The following ANGPT4 variants were observed in gnomAD, a reference collection of about 807,000 sequenced individuals.
ANGPT4 encodes the protein angiopoietin-4.
A neutral mutation model predicts 53.0 loss-of-function variants in ANGPT4; 50 were observed. The ratio of observed to expected loss-of-function variants is 0.94; its 90% CI spans 0.75 to 1.20. The LOEUF (loss-of-function observed/expected upper bound fraction) is 1.20. Among genes scored for constraint, ANGPT4 ranks in the 50% most tolerant of loss-of-function variants. ANGPT4 has a pLI of 0.00. For synonymous variants in ANGPT4, 251 were observed against 259.7 expected, an observed-to-expected ratio of 0.97 and a Z score of 0.32; for missense variants, 648 against 637.1, an observed-to-expected ratio of 1.02 and a Z score of -0.18.
At position 914,276 on chromosome 20, in the gene ANGPT4, A is replaced by G. The variant is rs749176796; in HGVS notation, c.309+1630T>C. Among the ~76,000 whole-genome samples the G allele has an allele frequency of 1.3e-5, 2 of 152,104 alleles. No homozygotes were observed. The highest frequency in any genetic ancestry group is 2.9e-5 in the Non-Finnish European group (2 of 68,010). ...ATAAGTTCTAAGAAAAAAAAACACA[A>G]CAAAGCCAGCAGAGGGACAAAGGGT... On this transcript the variant is annotated intron_variant, in intron 1 of 8. Coordinates refer to ENST00000381922, the MANE Select transcript of ANGPT4 (RefSeq NM_015985.4). This position sits in a 1 kb window ranked among gnomAD's most constrained non-coding sequence, Gnocchi z 5.0.
intron 1 of ANGPT4, among the ~76,000 whole-genome samples, chr20:902,567 C>G (rs539302011): frequency 4.6e-5 from 7 of 152,290 alleles, no homozygotes; most frequent in Non-Finnish European, 8.8e-5. Flanking sequence ...ACTTGACCCA[C>G]CACTCAGTCT....
In ANGPT4 at chr20:872,544, T is replaced by C. The variant is rs1050191302; in HGVS notation, c.*416A>G. On this transcript the variant is annotated 3_prime_UTR_variant, in exon 9 of 9. Coordinates refer to ENST00000381922, the MANE Select transcript of ANGPT4 (RefSeq NM_015985.4). ...TGGAACAGGAGCTTAGAATGGGAGATGGCCTTCTTGCCAATCCAAGGGAGA... is the reference window on the plus strand; with the variant it reads ...TGGAACAGGAGCTTAGAATGGGAGACGGCCTTCTTGCCAATCCAAGGGAGA... 3 of 162,094 alleles carry C rather than the reference T, an allele frequency of 1.9e-5. No homozygotes were observed. Among genetic ancestry groups the C allele is most frequent in the South Asian group, 1.8e-4 (1 of 5,536 alleles). 10.0% of individuals were successfully genotyped at this position (162,094 alleles called of 1,614,324 possible). A position where few individuals can be genotyped will look rare whatever the true frequency, so the allele number is the denominator to read the frequency against.
At chr20:875,170 C>T (rs908910738) in intron 7 of ANGPT4, among the ~76,000 whole-genome samples, 1 of 152,150 alleles carries the variant, frequency 6.6e-6, no homozygotes, top group Non-Finnish European at 1.5e-5. Flanking sequence ...GCCAAAGAAA[C>T]CTGCTCAAGT....
chr20:891,918 G>T (rs537617442), intron 1 of ANGPT4, among the ~76,000 whole-genome samples: 3 of 152,086 alleles, frequency 2.0e-5, no homozygotes, highest in Non-Finnish European at 4.4e-5. Context: ...AGGTCCCACC[G>T]CAGACCTCCT....
rs1981577224 is a variant in ANGPT4, at chr20:885,305, T to C, written c.608A>G (p.Gln203Arg). The C allele has an allele frequency of 1.3e-6, 2 of 1,583,752 alleles. No homozygotes were observed. The highest frequency in any genetic ancestry group is 8.6e-7 in the Non-Finnish European group (1 of 1,168,912). The change falls in exon 4 of 9, where the codon CAG becomes CGG. Residue 203 changes from glutamine to arginine, a missense_variant. Gln to Arg is a conservative substitution (Grantham distance 43). Transcript: ENST00000381922. ...GQNSALEKRL[Q>R]ALETKQQEEL... ...CTCCTGCTGCTTGGTCTCCAGGGCCTGCAACCGCTTCTCGAGCGCGCTGCG... is the reference window on the plus strand; with the variant it reads ...CTCCTGCTGCTTGGTCTCCAGGGCCCGCAACCGCTTCTCGAGCGCGCTGCG...
chr20:916,265 T>C lies in ANGPT4; in HGVS notation c.-51A>G. On this transcript the variant is annotated 5_prime_UTR_variant, in exon 1 of 9. Transcript: ENST00000381922. ...TGTCTGCTCAGAGCCCTAGGGGCTG[T>C]GCCTGGGATGTCCTGCTGCAGCCAA... 6.4e-7 allele frequency: 1 copy of C among 1,558,968 alleles called. No individual in the cohort carries two copies. The highest frequency in any genetic ancestry group is 2.3e-5 in the East Asian group (1 of 44,226).
rs117613810 is a variant in ANGPT4 at position 898,932 on chromosome 20, C to T, written c.310-8564G>A. On this transcript the variant is annotated intron_variant, in intron 1 of 8. Transcript: ENST00000381922. ...TGGAAATCCAACTGTCCCACTCGCC[C>T]ACCAACCACACCCAGAGCCCCTGGA... 6.7e-3 allele frequency among the ~76,000 whole-genome samples: 1,027 copies of T among 152,308 alleles called. 9 individuals carry two copies. Among genetic ancestry groups the T allele is most frequent in the Non-Finnish European group, 0.012 (810 of 68,010 alleles).
chr20:915,947 G>A lies in ANGPT4; in HGVS notation c.268C>T (p.Leu90=), dbSNP rs139001653. Residue 90 remains leucine (L), a synonymous_variant, in exon 1 of 9, where the codon CTG becomes TTG. Coordinates refer to ENST00000381922, the MANE Select transcript of ANGPT4 (RefSeq NM_015985.4). ...GKLPTQQVKQ[L]EQALQNNTQW... ...GTGTTGTTCTGCAGTGCCTGCTCCAGCTGTTTCACCTGCTGGGTGGGCAAC... is the reference window on the plus strand; with the variant it reads ...GTGTTGTTCTGCAGTGCCTGCTCCAACTGTTTCACCTGCTGGGTGGGCAAC... 1.2e-6 allele frequency: 2 copies of A among 1,605,500 alleles called. No homozygotes were observed. Among genetic ancestry groups the A allele is most frequent in the African/African-American group, 1.3e-5 (1 of 74,950 alleles).
chr20:899,496 G>A (rs1313347389), intron 1 of ANGPT4, among the ~76,000 whole-genome samples: 1 of 151,782 alleles, frequency 6.6e-6, no homozygotes, highest in Non-Finnish European at 1.5e-5. Context: ...CTCGTGATTT[G>A]CCCGCCTCGG....
Position 881,290 on chromosome 20 carries a change from C to T in ANGPT4, c.836-4G>A, listed in dbSNP as rs1345800932. The T allele has an allele frequency of 5.0e-6, 8 of 1,613,778 alleles. No homozygotes were observed. Among genetic ancestry groups the T allele is most frequent in the Non-Finnish European group, 6.8e-6 (8 of 1,179,660 alleles). The stretch of plus-strand genomic sequence containing the variant: ...TGCTCACCTGCCATTATGAAGGCTG[C>T]AAAGGGACAACACAAAAGTCAGTTG... On this transcript the variant is annotated splice_region_variant and splice_polypyrimidine_tract_variant and intron_variant, in intron 4 of 8. Coordinates refer to ENST00000381922, the MANE Select transcript of ANGPT4 (RefSeq NM_015985.4).
At chr20:902,881 T>G (rs1230604470) in intron 1 of ANGPT4, among the ~76,000 whole-genome samples, 4 of 152,090 alleles carry the variant, frequency 2.6e-5, no homozygotes, top group African/African-American at 9.7e-5. Context: ...CCTGGAAGAC[T>G]GTCTGGATAT....
chr20:901,667 C>G (rs1287140317), intron 1 of ANGPT4, among the ~76,000 whole-genome samples: 1 of 152,224 alleles, frequency 6.6e-6, no homozygotes, highest in South Asian at 2.1e-4. Context: ...AATCCCATGA[C>G]TTTGGGAGGC....
intron 7 of ANGPT4, 44 bp downstream of exon 7, chr20:878,117 G>T (rs773096324): frequency 1.9e-6 from 3 of 1,553,146 alleles, no homozygotes; most frequent in South Asian, 1.2e-5. Context: ...CCGCCCACTA[G>T]CTGAAGACCC....
chr20:896,509 G>A lies in ANGPT4; in HGVS notation c.310-6141C>T, dbSNP rs543814219. On this transcript the variant is annotated intron_variant, in intron 1 of 8. Transcript: ENST00000381922. ...AGTGCAGAGGCCTTGAAGTGGGAGC[G>A]TGTCTGGTATTTGAGGATCAAAATG... Among the ~76,000 whole-genome samples, 13 of 152,280 alleles carry A rather than the reference G, an allele frequency of 8.5e-5. No individual in the cohort carries two copies. In the East Asian group the frequency reaches 1.2e-3, roughly 14 times the overall value.
chr20:888,484 C>A (rs750444531), intron 2 of ANGPT4, 45 bp from the exon 3 acceptor site: 1 of 1,575,952 alleles, frequency 6.3e-7, no homozygotes. Flanking sequence ...GTAAGCGCTA[C>A]AGGAGCCCTG....
chr20:895,505 G>T (rs1433547312), intron 1 of ANGPT4, among the ~76,000 whole-genome samples: 1 of 152,132 alleles, frequency 6.6e-6, no homozygotes, highest in Non-Finnish European at 1.5e-5. Context: ...TGGGGAGAGG[G>T]CATTTGCAAA....
chr20:883,340 T>C (rs1393892423), intron 4 of ANGPT4, among the ~76,000 whole-genome samples: 1 of 152,252 alleles, frequency 6.6e-6, no homozygotes, highest in African/African-American at 2.4e-5. Flanking sequence ...AGTTTGGTCT[T>C]TTCTGCCTGT....
intron 5 of ANGPT4, among the ~76,000 whole-genome samples, chr20:880,342 T>C (rs1487861333): frequency 1.3e-5 from 2 of 152,090 alleles, no homozygotes; most frequent in Admixed American, 1.3e-4. Context: ...TACTAGCAAT[T>C]TGAGGGCCGA....
chr20:883,910 T>G (rs1225137772), intron 4 of ANGPT4, among the ~76,000 whole-genome samples: 1 of 152,242 alleles, frequency 6.6e-6, no homozygotes, highest in African/African-American at 2.4e-5. Flanking sequence ...TTTTCCTACC[T>G]GTAGCTTCCT....
Sources: allele counts gnomAD v4.1 joint callset (sites outside exome capture counted in the v4.1 genomes callset), GRCh38; gene constraint gnomAD v4.1.1; non-coding constraint Gnocchi (gnomAD v3.1); transcripts MANE v1.5; gene names NCBI Gene and HGNC (gene_info 2026-07-23, HGNC 2026-07-21).